WIPI1: variants seen among roughly 807,000 people sequenced by gnomAD.
WIPI1 encodes WD repeat domain phosphoinositide-interacting protein 1.
In WIPI1, 45 loss-of-function variants were observed where a neutral mutation model predicts 55.3. The observed-to-expected ratio is 0.81, with a 90% CI of 0.64 to 1.04. The LOEUF is 1.04. Among genes scored for constraint, WIPI1 ranks in the 50% least tolerant of loss-of-function variants. The probability of loss-of-function intolerance (pLI) is 0.00; values close to 1 mark genes in which losing one functional copy is unlikely to be tolerated. For synonymous variants in WIPI1, 195 were observed against 217.6 expected (o/e 0.90, Z 0.92); for missense variants, 445 against 559.0 (o/e 0.80, Z 2.06).
In WIPI1 at chr17:68,421,495, C is replaced by T. The variant is rs533568516; in HGVS notation, c.*278G>A. On this transcript the variant is annotated 3_prime_UTR_variant, in exon 13 of 13. Transcript: ENST00000262139. ...GGAGGCCCCTTTTAATATAAAATTCCGGTTATATACCAATATGGTTAATTA... is the reference window on the plus strand; with the variant it reads ...GGAGGCCCCTTTTAATATAAAATTCTGGTTATATACCAATATGGTTAATTA... The T allele has an allele frequency of 9.7e-5, 41 of 422,566 alleles. No homozygotes were observed. The Admixed American group carries it at 1.1e-3, about 11-fold the overall frequency. The allele number at this position is 422,566 out of a possible 1,614,324, so 26.2% of individuals were successfully genotyped here.
chr17:68,453,429 CTTTA>C (rs142968546), intron 1 of WIPI1, among the ~76,000 whole-genome samples: 1,827 of 151,340 alleles, frequency 0.012, 33 homozygotes, highest in African/African-American at 0.041. Flanking sequence ...TCCTTCATAA[CTTTA>C]TTTGTTTGTT....
intron 4 of WIPI1, among the ~76,000 whole-genome samples, chr17:68,441,773 C>A (rs1406078035): frequency 6.6e-6 from 1 of 152,194 alleles, no homozygotes; most frequent in Non-Finnish European, 1.5e-5. Context: ...TGATCATCTC[C>A]ATTTTACTGC....
intron 1 of WIPI1, among the ~76,000 whole-genome samples, chr17:68,455,358 T>C (rs954431486): frequency 4.9e-5 from 5 of 101,164 alleles, no homozygotes; most frequent in Non-Finnish European, 1.0e-4. Context: ...AGCAAGACTG[T>C]CTCAAAAAAA....
At chr17:68,425,157 G>A (rs1221441242) in intron 12 of WIPI1, among the ~76,000 whole-genome samples, 5 of 152,186 alleles carry the variant, frequency 3.3e-5, no homozygotes, top group Admixed American at 6.5e-5. Context: ...AAAGGTGCTC[G>A]GGCAAGCTCC....
At chr17:68,439,900 T>C (rs2084005398) in intron 4 of WIPI1, among the ~76,000 whole-genome samples, 1 of 152,198 alleles carries the variant, frequency 6.6e-6, no homozygotes, top group Admixed American at 6.5e-5. Flanking sequence ...CGTGTCTTTG[T>C]GGCAGAGAGA....
At position 68,421,817 on chromosome 17, in the gene WIPI1, TTATC is replaced by T; in HGVS notation, c.1294-1_1296del. 6.2e-7 allele frequency: 1 copy of T among 1,614,218 alleles called. No homozygotes were observed. Among genetic ancestry groups the T allele is most frequent in the Non-Finnish European group, 8.5e-7 (1 of 1,180,028 alleles). On this transcript the variant is annotated splice_acceptor_variant and coding_sequence_variant, in exon 13 of 13. Coordinates refer to ENST00000262139, the MANE Select transcript of WIPI1 (RefSeq NM_017983.7). LOFTEE classifies it high-confidence loss of function. Reference sequence around the variant, plus strand: ...CCCTTCTGATTTCCACGGCACAAGATTATCTACCAAAATCAAAACAGAATGGCCT... The same window carrying T: ...CCCTTCTGATTTCCACGGCACAAGATTACCAAAATCAAAACAGAATGGCCT...
chr17:68,421,615 T>G lies in WIPI1; in HGVS notation c.*158A>C. The G allele has an allele frequency of 2.1e-6, 2 of 969,692 alleles. No individual in the cohort carries two copies. The highest frequency in any genetic ancestry group is 3.2e-6 in the Non-Finnish European group (2 of 627,232). 60.1% of individuals were successfully genotyped at this position (969,692 alleles called of 1,614,324 possible). A position where few individuals can be genotyped will look rare whatever the true frequency, so the allele number is the denominator to read the frequency against. On this transcript the variant is annotated 3_prime_UTR_variant, in exon 13 of 13. Transcript: ENST00000262139. ...GCAACCAGGGTCGTGGGAAGCTTGG[T>G]GAGGAGTTAACCAGGTCCTGTGGTT...
At chr17:68,428,757 C>T (rs755713212) in intron 10 of WIPI1, 72 bp downstream of exon 10, 88 of 1,204,044 alleles carry the variant, frequency 7.3e-5, no homozygotes, top group Non-Finnish European at 9.7e-5. Context: ...TGAAGCTTGT[C>T]GTTCTTGGCG....
Position 68,457,489 on chromosome 17 carries a change from G to C in WIPI1, c.-68C>G. ...GCCACCTCAGCAGCCCGCCCGCGCC[G>C]GCTCCACGGGCCGGGTCGCCGGTCC... is the stretch of plus-strand genomic sequence containing the variant. On this transcript the variant is annotated 5_prime_UTR_variant, in exon 1 of 13. Coordinates refer to ENST00000262139, the MANE Select transcript of WIPI1 (RefSeq NM_017983.7). 7.6e-7 allele frequency: 1 copy of C among 1,307,840 alleles called. No homozygotes were observed. The highest frequency in any genetic ancestry group is 1.9e-5 in the South Asian group (1 of 52,854). The allele number at this position is 1,307,840 out of a possible 1,614,324, so 81.0% of individuals were successfully genotyped here. A position where few individuals can be genotyped will look rare whatever the true frequency, so the allele number is the denominator to read the frequency against.
At position 68,423,449 on chromosome 17, in the gene WIPI1, A is replaced by G. The variant is rs1460246050; in HGVS notation, c.1294-1629T>C. Among the ~76,000 whole-genome samples, 1 of 152,158 alleles carries G rather than the reference A, an allele frequency of 6.6e-6. No individual in the cohort carries two copies. The highest frequency in any genetic ancestry group is 1.5e-5 in the Non-Finnish European group (1 of 68,020). On this transcript the variant is annotated intron_variant, in intron 12 of 12. Coordinates refer to ENST00000262139, the MANE Select transcript of WIPI1 (RefSeq NM_017983.7). This position sits in a 1 kb window ranked among gnomAD's most constrained non-coding sequence, Gnocchi z 4.4. ...CCTGCAGGCTGGAGGGCAGACTGAG[A>G]GGTTGGTGGCTGCCACGACACAGCC...
At chr17:68,449,794 C>T (rs374462521) in intron 3 of WIPI1, among the ~76,000 whole-genome samples, 37 of 152,278 alleles carry the variant, frequency 2.4e-4, no homozygotes, top group Non-Finnish European at 4.4e-4. Context: ...ACCCAATCTC[C>T]GGTAGTTCTT....
Position 68,436,402 on chromosome 17 carries a change from G to A in WIPI1, c.508C>T (p.Leu170Phe). The A allele has an allele frequency of 6.2e-7, 1 of 1,613,896 alleles. No individual in the cohort carries two copies. The highest frequency in any genetic ancestry group is 8.5e-7 in the Non-Finnish European group (1 of 1,179,844). Reference protein sequence around the residue: ...PGSLTSGEIVLYDGNSLKTVC... With the variant: ...PGSLTSGEIVFYDGNSLKTVC... Reference sequence around the variant, plus strand: ...CTTACCAGGGAGTTTCCATCATAAAGCACAATCTCCCCTGAAGTCAGGCTT... The same window carrying A: ...CTTACCAGGGAGTTTCCATCATAAAACACAATCTCCCCTGAAGTCAGGCTT... Residue 170 changes from leucine to phenylalanine, a missense_variant, in exon 5 of 13, where the codon CTT becomes TTT. Physicochemically the swap from Leu to Phe is conservative, Grantham distance 22. Transcript: ENST00000262139.
chr17:68,445,814 G>A (rs1055287726), intron 3 of WIPI1, among the ~76,000 whole-genome samples: 1 of 152,194 alleles, frequency 6.6e-6, no homozygotes, highest in African/African-American at 2.4e-5. Flanking sequence ...AGCAGCTGCC[G>A]ACCACCCCTG....
intron 1 of WIPI1, among the ~76,000 whole-genome samples, chr17:68,455,571 C>G (rs2084627931): frequency 1.3e-5 from 2 of 152,122 alleles, no homozygotes; most frequent in African/African-American, 2.4e-5. Flanking sequence ...AATCCAATGT[C>G]ATACCCTCTG....
chr17:68,453,050 C>A, intron 1 of WIPI1, 58 bp from the exon 2 acceptor site: 1 of 1,450,788 alleles, frequency 6.9e-7, no homozygotes, highest in South Asian at 1.1e-5. Flanking sequence ...ACAGATCTGT[C>A]TGCAAATAGA....
intron 3 of WIPI1, among the ~76,000 whole-genome samples, chr17:68,449,401 G>A (rs1271003612): frequency 2.0e-5 from 3 of 152,196 alleles, no homozygotes; most frequent in Non-Finnish European, 2.9e-5. Context: ...AGGCCAAGGA[G>A]GATCCTTGAG....
chr17:68,439,700 G>T (rs533443752), intron 4 of WIPI1, among the ~76,000 whole-genome samples: 1 of 152,314 alleles, frequency 6.6e-6, no homozygotes, highest in Non-Finnish European at 1.5e-5. Context: ...GTTAGAGATA[G>T]GCTGAGGACA....
chr17:68,457,283 C>G, intron 1 of WIPI1, 59 bp downstream of exon 1: 1 of 1,525,686 alleles, frequency 6.6e-7, no homozygotes, highest in Non-Finnish European at 8.8e-7. Context: ...CAGGACGACA[C>G]CCCTGGGTCC....
intron 12 of WIPI1, chr17:68,424,436 C>T: frequency 1.9e-6 from 1 of 534,746 alleles, no homozygotes. Flanking sequence ...CAGACCTGCA[C>T]TCCATCCTTT....
Sources: gnomAD v4.1 joint callset for allele counts (sites outside exome capture counted in the v4.1 genomes callset) on GRCh38, gnomAD v4.1.1 for gene constraint, Gnocchi (gnomAD v3.1) non-coding constraint, MANE v1.5 for transcripts, NCBI Gene and HGNC (gene_info 2026-07-23, HGNC 2026-07-21) for gene names.